Variants in SLC9A7 observed in about 807,000 individuals in gnomAD.
SLC9A7 encodes the protein sodium/hydrogen exchanger 7.
A neutral mutation model predicts 52.6 loss-of-function variants in SLC9A7; 19 were observed. The observed-to-expected ratio is 0.36, with a 90% CI of 0.25 to 0.53. The LOEUF (loss-of-function observed/expected upper bound fraction) is 0.53. Ranked by LOEUF, SLC9A7 falls within the 20% of genes least tolerant of loss-of-function variation. SLC9A7 has a pLI of 0.91. For synonymous variants in SLC9A7, 226 were observed against 252.1 expected, an observed-to-expected ratio of 0.90 and a Z score of 0.98; for missense variants, 455 against 597.9, an observed-to-expected ratio of 0.76 and a Z score of 2.49.
In SLC9A7 at chrX:46,672,554, A is replaced by G. The variant is rs781513746; in HGVS notation, c.677T>C (p.Ile226Thr). Residue 226 changes from isoleucine (I) to threonine (T), a missense_variant, in exon 4 of 17, where the codon ATT (isoleucine) becomes ACT (threonine). By Grantham distance (89) the Ile-to-Thr change is moderately conservative. Coordinates refer to ENST00000616978, the MANE Select transcript of SLC9A7 (RefSeq NM_001257291.2). ...FLGTAVSCFI[I>T]GNLMYGVVKL... ...TATATGACAAAGGTTCACTTACCCA[A>G]TAATGAAGCATGAAACAGCAGTCCC... 9 of 1,200,478 alleles carry G rather than the reference A, an allele frequency of 7.5e-6. No homozygotes were observed. The highest frequency in any genetic ancestry group is 1.0e-5 in the Non-Finnish European group (9 of 885,585).
chrX:46,692,583 A>C, intron 1 of SLC9A7, among the ~76,000 whole-genome samples: 1 of 111,733 alleles, frequency 8.9e-6, no homozygotes, highest in Non-Finnish European at 1.9e-5. Flanking sequence ...GACAGGTCTT[A>C]TACTGTGGTA....
At chrX:46,743,294 A>G (rs1231176564) in intron 1 of SLC9A7, among the ~76,000 whole-genome samples, 1 of 112,039 alleles carries the variant, frequency 8.9e-6, no homozygotes, top group African/African-American at 3.2e-5. Flanking sequence ...CTACTAATTG[A>G]TAAGGTTGTT....
At chrX:46,650,028 C>G (rs1308707887) in intron 10 of SLC9A7, among the ~76,000 whole-genome samples, 2 of 112,389 alleles carry the variant, frequency 1.8e-5, no homozygotes, top group Non-Finnish European at 3.8e-5. Context: ...GCATGGAAAT[C>G]CAAGAAATGA....
chrX:46,614,691 C>T (rs190753422), intron 15 of SLC9A7, among the ~76,000 whole-genome samples: 2 of 112,035 alleles, frequency 1.8e-5, no homozygotes, highest in African/African-American at 3.2e-5. Context: ...CGCTACCAAA[C>T]GCACAGCCCT....
At chrX:46,690,743 C>T (rs1345954100) in intron 1 of SLC9A7, among the ~76,000 whole-genome samples, 2 of 112,180 alleles carry the variant, frequency 1.8e-5, no homozygotes, top group African/African-American at 6.5e-5. Flanking sequence ...TTGATGCTTA[C>T]ATTTAGATCT....
intron 12 of SLC9A7, among the ~76,000 whole-genome samples, chrX:46,636,959 G>A (rs1289909345): frequency 2.7e-5 from 3 of 111,792 alleles, no homozygotes; most frequent in Admixed American, 1.9e-4. Context: ...CTACAACATC[G>A]AAAAATTATA....
At chrX:46,675,575 C>A (rs1171222831) in intron 3 of SLC9A7, among the ~76,000 whole-genome samples, 6 of 112,287 alleles carry the variant, frequency 5.3e-5, no homozygotes, top group African/African-American at 1.9e-4. Context: ...CTTTAGGCCT[C>A]AGAAGCAGGT....
chrX:46,604,519 G>A lies in SLC9A7; in HGVS notation c.*2433C>T, dbSNP rs1942711462. 9.3e-6 allele frequency: 1 copy of A among 107,085 alleles called. No individual in the cohort carries two copies. The highest frequency in any genetic ancestry group is 3.5e-5 in the African/African-American group (1 of 28,981). 8.8% of individuals were successfully genotyped at this position (107,085 alleles called of 1,213,427 possible). A position where few individuals can be genotyped will look rare whatever the true frequency, so the allele number is the denominator to read the frequency against. On this transcript the variant is annotated 3_prime_UTR_variant, in exon 17 of 17. Transcript: ENST00000616978. Reference sequence around the variant, plus strand: ...ATGATCTCAGCTCATCGCAACCTCTGCCTCTTGGGCTCAAGCAATCCTCCC... The same window carrying A: ...ATGATCTCAGCTCATCGCAACCTCTACCTCTTGGGCTCAAGCAATCCTCCC...
chrX:46,614,155 C>G (rs1295666015), intron 15 of SLC9A7, among the ~76,000 whole-genome samples: 1 of 111,396 alleles, frequency 9.0e-6, no homozygotes, highest in Non-Finnish European at 1.9e-5. Context: ...GCAGATGCCC[C>G]TCGACTTATG....
chrX:46,635,105 G>A (rs774806532), intron 13 of SLC9A7, among the ~76,000 whole-genome samples: 2 of 112,214 alleles, frequency 1.8e-5, no homozygotes, highest in Non-Finnish European at 3.8e-5. Flanking sequence ...CAAGGCACAA[G>A]TACACAAATA....
intron 4 of SLC9A7, among the ~76,000 whole-genome samples, chrX:46,670,152 A>G (rs1032405125): frequency 6.2e-5 from 7 of 112,137 alleles, no homozygotes; most frequent in African/African-American, 2.3e-4. Context: ...GGATGCAACT[A>G]GAGAGAAAAA....
At chrX:46,758,055 C>A (rs373065725) in intron 1 of SLC9A7, among the ~76,000 whole-genome samples, 9 of 111,947 alleles carry the variant, frequency 8.0e-5, no homozygotes, top group African/African-American at 2.9e-4. Context: ...ACTTTCCACT[C>A]GGGACATAAG....
intron 1 of SLC9A7, among the ~76,000 whole-genome samples, chrX:46,728,419 A>C (rs1371055903): frequency 1.8e-5 from 2 of 112,534 alleles, no homozygotes; most frequent in Non-Finnish European, 3.8e-5. Context: ...ATTATTAGTC[A>C]GTAGGGAAAT....
In SLC9A7 at chrX:46,648,620, C is replaced by T. The variant is rs373911413; in HGVS notation, c.1462+66G>A. Reference sequence around the variant, plus strand: ...GTCTTTTTATGAACCTTATCAATTACATTTTAATCATATTCTTGTTACCTG... The same window carrying T: ...GTCTTTTTATGAACCTTATCAATTATATTTTAATCATATTCTTGTTACCTG... On this transcript the variant is annotated intron_variant, in intron 11 of 16. Transcript: ENST00000616978. The T allele has an allele frequency of 2.1e-4, 175 of 837,055 alleles. No individual in the cohort carries two copies. In the East Asian group the frequency reaches 2.9e-3, roughly 14 times the overall value. 69.0% of individuals were successfully genotyped at this position (837,055 alleles called of 1,213,427 possible).
At chrX:46,655,412 G>A (rs1602183910) in intron 7 of SLC9A7, among the ~76,000 whole-genome samples, 1 of 112,346 alleles carries the variant, frequency 8.9e-6, no homozygotes, top group South Asian at 3.6e-4. Context: ...AGCTCCCAGC[G>A]TGAGCAACGC....
chrX:46,674,609 C>T (rs1944079905), intron 3 of SLC9A7, among the ~76,000 whole-genome samples: 1 of 111,601 alleles, frequency 9.0e-6, no homozygotes, highest in Admixed American at 9.5e-5. Context: ...GGTCTCCTGA[C>T]CCCAAAGCAT....
chrX:46,680,180 C>T lies in SLC9A7; in HGVS notation c.526-425G>A, dbSNP rs188818975. ...CCTGGCCAATATGGTGAAACCCCAT[C>T]TCTACTAAAAATACAAAAATTAGCC... is the stretch of plus-strand genomic sequence containing the variant. On this transcript the variant is annotated intron_variant, in intron 2 of 16. Coordinates refer to ENST00000616978, the MANE Select transcript of SLC9A7 (RefSeq NM_001257291.2). Among the ~76,000 whole-genome samples the T allele has an allele frequency of 5.2e-4, 57 of 109,923 alleles. No homozygotes were observed. The East Asian group carries it at 0.016, about 30-fold the overall frequency.
intron 1 of SLC9A7, chrX:46,684,914 G>A (rs1479416767): frequency 8.7e-6 from 1 of 114,571 alleles, no homozygotes; most frequent in Non-Finnish European, 1.8e-5. Context: ...TGTTCTAGGT[G>A]AGGAGGGGCC....
At chrX:46,730,352 T>C (rs564942600) in intron 1 of SLC9A7, among the ~76,000 whole-genome samples, 3 of 108,542 alleles carry the variant, frequency 2.8e-5, no homozygotes, top group African/African-American at 1.0e-4. Flanking sequence ...AGAACAACAA[T>C]AGAGGTTAAA....
Sources: gnomAD v4.1 joint callset for allele counts (sites outside exome capture counted in the v4.1 genomes callset) on GRCh38, gnomAD v4.1.1 for gene constraint, MANE v1.5 for transcripts, NCBI Gene and HGNC (gene_info 2026-07-23, HGNC 2026-07-21) for gene names.